CYP1A1: variants seen among roughly 807,000 people sequenced by gnomAD.
CYP1A1 encodes the protein cytochrome P450 family 1 subfamily A member 1, also known as cytochrome P450 1A1.
Under a neutral mutation model 33.6 loss-of-function variants are expected in CYP1A1, and 43 were observed. The observed-to-expected ratio is 1.28, with a 90% CI of 1.00 to 1.65. The LOEUF is 1.65. CYP1A1 is among the 40% of genes most tolerant of loss of function. The pLI is 0.00. For synonymous variants in CYP1A1, 280 were observed against 257.8 expected (o/e 1.09, Z -0.83); for missense variants, 637 against 653.7 (o/e 0.97, Z 0.28).
At chr15:74,722,131 T>A in intron 2 of CYP1A1, 142 bp downstream of exon 2, 1 of 671,836 alleles carries the variant, frequency 1.5e-6, no homozygotes, top group Non-Finnish European at 2.6e-6. Context: ...GGAAGAAGAC[T>A]ATTCCACAAC....
intron 1 of CYP1A1, among the ~76,000 whole-genome samples, chr15:74,724,934 G>A (rs988842207): frequency 2.0e-5 from 3 of 152,144 alleles, no homozygotes; most frequent in Non-Finnish European, 2.9e-5. Context: ...CAGCTGTCTA[G>A]GACATCTCAG....
chr15:74,722,144 G>A (rs1391211523), intron 2 of CYP1A1, 129 bp downstream of exon 2: 2 of 712,844 alleles, frequency 2.8e-6, no homozygotes, highest in Non-Finnish European at 4.7e-6. Flanking sequence ...TCCACAACTG[G>A]CTTCAAGATC....
rs2063188041 is a variant in CYP1A1, at chr15:74,723,097, TGATCAGTGTAGG to T, written c.-12_-1del. ...GCCGACATGGAGATTGGGAAAAGCA[TGATCAGTGTAGG>T]GATCTTGGAGGTGGCTGCTGAGAGA... On this transcript the variant is annotated 5_prime_UTR_variant, in exon 2 of 7. Coordinates refer to ENST00000379727, the MANE Select transcript of CYP1A1 (RefSeq NM_001319217.2). 1 of 1,581,292 alleles carries T rather than the reference TGATCAGTGTAGG, an allele frequency of 6.3e-7. No homozygotes were observed. Among genetic ancestry groups the T allele is most frequent in the Non-Finnish European group, 8.6e-7 (1 of 1,161,862 alleles).
At chr15:74,722,177 A>G in intron 2 of CYP1A1, 96 bp downstream of exon 2, 1 of 991,586 alleles carries the variant, frequency 1.0e-6, no homozygotes, top group Non-Finnish European at 1.5e-6. Flanking sequence ...CTTCCTGAGA[A>G]CTTGCCAAGC....
chr15:74,722,743 G>A lies in CYP1A1; in HGVS notation c.355C>T (p.Gln119Ter), dbSNP rs1161738771. ...GAGTCTGGGCTGAAGGACATGCTCT[G>A]ACCATTACTGATGAGGGTGAAGGTG... ...LYTFTLISNGQSMSFSPDSGP... is the reference protein window; with the variant it reads ...LYTFTLISNG Residue 119 changes from glutamine to a stop codon, truncating the protein, a stop_gained, in exon 2 of 7, where the codon CAG (glutamine) becomes TAG (stop). Transcript: ENST00000379727. LOFTEE classifies it high-confidence loss of function. 2.5e-6 allele frequency: 4 copies of A among 1,613,554 alleles called. No individual in the cohort carries two copies. Among genetic ancestry groups the A allele is most frequent in the Non-Finnish European group, 3.4e-6 (4 of 1,180,036 alleles).
intron 1 of CYP1A1, among the ~76,000 whole-genome samples, chr15:74,724,065 C>T (rs1013400515): frequency 1.3e-5 from 2 of 152,126 alleles, no homozygotes; most frequent in Non-Finnish European, 2.9e-5. Flanking sequence ...AGCTGGAGAC[C>T]AGCTAGATTG....
intron 5 of CYP1A1, 60 bp from the exon 6 acceptor site, chr15:74,721,113 T>C (rs2063165948): frequency 1.2e-6 from 2 of 1,610,962 alleles, no homozygotes; most frequent in Non-Finnish European, 1.7e-6. Flanking sequence ...CTGTCTCCCA[T>C]GCCGTGTCCC....
rs755633017 is a variant in CYP1A1 at position 74,722,745 on chromosome 15, C to T, written c.353G>A (p.Gly118Asp). ...DLYTFTLISN[G>D]QSMSFSPDSG... is the part of the protein sequence containing the mutation. ...GTCTGGGCTGAAGGACATGCTCTGACCATTACTGATGAGGGTGAAGGTGTA... is the reference window on the plus strand; with the variant it reads ...GTCTGGGCTGAAGGACATGCTCTGATCATTACTGATGAGGGTGAAGGTGTA... The change falls in exon 2 of 7, where the codon GGT (glycine) becomes GAT (aspartate). Residue 118 changes from glycine (G) to aspartate (D), a missense_variant. Coordinates refer to ENST00000379727, the MANE Select transcript of CYP1A1 (RefSeq NM_001319217.2). 4 of 1,613,592 alleles carry T rather than the reference C, an allele frequency of 2.5e-6. No individual in the cohort carries two copies. Among genetic ancestry groups the T allele is most frequent in the Admixed American group, 1.7e-5 (1 of 60,018 alleles).
At chr15:74,724,455 G>A (rs950572279) in intron 1 of CYP1A1, among the ~76,000 whole-genome samples, 4 of 151,638 alleles carry the variant, frequency 2.6e-5, no homozygotes, top group Admixed American at 6.6e-5. Flanking sequence ...TCTGAGAGAG[G>A]GTAAGACAAG....
intron 2 of CYP1A1, 95 bp downstream of exon 2, chr15:74,722,178 C>T (rs1310552101): frequency 2.0e-6 from 2 of 1,021,082 alleles, no homozygotes; most frequent in Non-Finnish European, 2.9e-6. Context: ...TTCCTGAGAA[C>T]TTGCCAAGCC....
chr15:74,721,843 C>T, intron 2 of CYP1A1, 126 bp from the exon 3 acceptor site: 2 of 1,258,766 alleles, frequency 1.6e-6, no homozygotes, highest in Non-Finnish European at 2.2e-6. Flanking sequence ...GGCTGTTGTC[C>T]CAGCTTCTCT....
Position 74,722,338 on chromosome 15 carries a change from G to A in CYP1A1, c.760C>T (p.Leu254=). 2 of 1,614,120 alleles carry A rather than the reference G, an allele frequency of 1.2e-6. No individual in the cohort carries two copies. The highest frequency in any genetic ancestry group is 1.7e-6 in the Non-Finnish European group (2 of 1,180,028). The change falls in exon 2 of 7, where the codon CTG becomes TTG. Residue 254 remains leucine, a synonymous_variant. Transcript: ENST00000379727. ...ATGAAGCTGTAGAACTTCTCATTCA[G>A]GTCCTTGAAGGCATTCAGGGAAGGG... is the stretch of plus-strand genomic sequence containing the variant. ...PNPSLNAFKD[L]NEKFYSFMQK...
chr15:74,721,494 G>A lies in CYP1A1; in HGVS notation c.962C>T (p.Thr321Ile). 1 of 1,614,204 alleles carries A rather than the reference G, an allele frequency of 6.2e-7. No individual in the cohort carries two copies. The highest frequency in any genetic ancestry group is 2.2e-5 in the East Asian group (1 of 44,888). Residue 321 changes from threonine to isoleucine, a missense_variant, in exon 4 of 7, where the codon ACA becomes ATA. Physicochemically the swap from Thr to Ile is moderately conservative, Grantham distance 89 (BLOSUM62 -1). Coordinates refer to ENST00000379727, the MANE Select transcript of CYP1A1 (RefSeq NM_001319217.2). Reference protein sequence around the residue: ...VLDLFGAGFDTVTTAISWSLM... With the variant: ...VLDLFGAGFDIVTTAISWSLM... The stretch of plus-strand genomic sequence containing the variant: ...GCTCCAGGAGATAGCAGTTGTGACT[G>A]TGTCAAACCCTGGACAGGGTAGAAC...
chr15:74,723,588 A>C (rs536019666), intron 1 of CYP1A1, among the ~76,000 whole-genome samples: 20 of 152,344 alleles, frequency 1.3e-4, no homozygotes, highest in African/African-American at 2.2e-4. Flanking sequence ...CATAAACAAT[A>C]TCTATGTGAA....
chr15:74,724,073 T>C (rs539367896), intron 1 of CYP1A1, among the ~76,000 whole-genome samples: 11 of 152,308 alleles, frequency 7.2e-5, no homozygotes, highest in Non-Finnish European at 1.3e-4. Context: ...ACCAGCTAGA[T>C]TGAGCTCTTT....
Position 74,722,368 on chromosome 15 carries a change from G to C in CYP1A1, c.730C>G (p.Pro244Ala), listed in dbSNP as rs1402199384. 6.2e-7 allele frequency: 1 copy of C among 1,614,106 alleles called. No individual in the cohort carries two copies. The highest frequency in any genetic ancestry group is 8.5e-7 in the Non-Finnish European group (1 of 1,180,014). The change falls in exon 2 of 7, where the codon CCC becomes GCC. Residue 244 changes from proline (P) to alanine (A), a missense_variant. Pro to Ala is a conservative substitution (Grantham distance 27). Coordinates refer to ENST00000379727, the MANE Select transcript of CYP1A1 (RefSeq NM_001319217.2). ...ADFIPILRYLPNPSLNAFKDL... is the reference protein window; with the variant it reads ...ADFIPILRYLANPSLNAFKDL... ...TTGAAGGCATTCAGGGAAGGGTTGG[G>C]TAGGTAGCGAAGAATAGGGATGAAG...
Position 74,721,202 on chromosome 15 carries a change from T to TG in CYP1A1, c.1162dup (p.His388ProfsTer30). On this transcript the variant is annotated frameshift_variant, in exon 5 of 7. Transcript: ENST00000379727. LOFTEE classifies it high-confidence loss of function. ...CAGTGGCTCCATGGGGCCTTACCTG[T>TG]GGGGGATGGTGAAGGGGACGAAGGA... 1 of 1,611,594 alleles carries TG rather than the reference T, an allele frequency of 6.2e-7. No homozygotes were observed. The highest frequency in any genetic ancestry group is 8.5e-7 in the Non-Finnish European group (1 of 1,178,752).
chr15:74,721,869 T>G, intron 2 of CYP1A1, 152 bp from the exon 3 acceptor site: 2 of 925,566 alleles, frequency 2.2e-6, no homozygotes, highest in Non-Finnish European at 3.2e-6. Flanking sequence ...TCTGCAAGGC[T>G]CTCTCCTACT....
chr15:74,720,200 G>A lies in CYP1A1; in HGVS notation c.*289C>T, dbSNP rs1170514273. On this transcript the variant is annotated 3_prime_UTR_variant, in exon 7 of 7. Coordinates refer to ENST00000379727, the MANE Select transcript of CYP1A1 (RefSeq NM_001319217.2). ...CTTCAGAGCTTCTCAGAGGCCTAAG[G>A]ACCTCCTAACCCTAGCAGGCCTCCT... 3.2e-6 allele frequency: 1 copy of A among 309,434 alleles called. No individual in the cohort carries two copies. Among genetic ancestry groups the A allele is most frequent in the Non-Finnish European group, 5.9e-6 (1 of 170,808 alleles). The allele number at this position is 309,434 out of a possible 1,614,324, so 19.2% of individuals were successfully genotyped here.
Sources: gnomAD v4.1 joint callset for allele counts (sites outside exome capture counted in the v4.1 genomes callset) on GRCh38, gnomAD v4.1.1 for gene constraint, MANE v1.5 for transcripts, NCBI Gene and HGNC (gene_info 2026-07-23, HGNC 2026-07-21) for gene names.